HEPH: variants seen among roughly 807,000 people sequenced by gnomAD.
The protein encoded by HEPH is hephaestin.
Under a neutral mutation model 80.8 loss-of-function variants are expected in HEPH, and 69 were observed. That is an observed-to-expected ratio of 0.85 (90% CI 0.70 to 1.04). The LOEUF (loss-of-function observed/expected upper bound fraction) is 1.04. HEPH is among the 50% of genes least tolerant of loss of function. The pLI, the probability that HEPH is intolerant of heterozygous loss-of-function variation, is 0.00. For missense variants in HEPH, 1,115 were observed against 891.3 expected, an observed-to-expected ratio of 1.25 and a Z score of -3.20; for synonymous variants, 431 against 322.8, an observed-to-expected ratio of 1.34 and a Z score of -3.60.
intron 4 of HEPH, among the ~76,000 whole-genome samples, chrX:66,174,167 G>A (rs190384999): frequency 9.1e-6 from 1 of 109,551 alleles, no homozygotes; most frequent in African/African-American, 3.3e-5. Context: ...TGCCCCCCCA[G>A]CCTTTTCCCC....
At position 66,208,140 on chromosome X, in the gene HEPH, T is replaced by C; in HGVS notation, c.2457T>C (p.Gly819=). ...GTCCACTTATCAAAGGTGAAGTTGG[T>C]GATATCCTGACTGTGGTATTCAAGA... ...ILGPLIKGEV[G]DILTVVFKNN... The change falls in exon 15 of 21, where the codon GGT becomes GGC. Residue 819 remains glycine (G), a synonymous_variant. Transcript: ENST00000343002. 1 of 1,197,995 alleles carries C rather than the reference T, an allele frequency of 8.3e-7. No individual in the cohort carries two copies. Among genetic ancestry groups the C allele is most frequent in the South Asian group, 1.8e-5 (1 of 55,845 alleles).
rs186096934 is a variant in HEPH at position 66,232,496 on chromosome X, T to G, written c.2564-22539T>G. On this transcript the variant is annotated intron_variant, in intron 15 of 20. Transcript: ENST00000343002. ...TAATATCTGCTTCAGAATGCTGACA[T>G]AAGCAATTTTTATGTTTTAATATAA... is the stretch of plus-strand genomic sequence containing the variant. Among the ~76,000 whole-genome samples the G allele has an allele frequency of 1.3e-4, 15 of 111,774 alleles. No individual in the cohort carries two copies. In the East Asian group the frequency reaches 4.2e-3, roughly 31 times the overall value.
intron 14 of HEPH, among the ~76,000 whole-genome samples, chrX:66,207,899 T>A (rs979872632): frequency 9.0e-6 from 1 of 110,977 alleles, no homozygotes; most frequent in Non-Finnish European, 1.9e-5. Context: ...TATAATCTTG[T>A]CATTGAAGTA....
intron 15 of HEPH, among the ~76,000 whole-genome samples, chrX:66,237,254 G>A (rs1305865575): frequency 9.1e-6 from 1 of 110,463 alleles, no homozygotes; most frequent in East Asian, 2.8e-4. Context: ...TGTGATGTGG[G>A]CATTTTGTGC....
chrX:66,255,338 A>G (rs2091141486), intron 16 of HEPH, among the ~76,000 whole-genome samples, 197 bp downstream of exon 16: 2 of 110,843 alleles, frequency 1.8e-5, no homozygotes, highest in South Asian at 7.9e-4. Context: ...TGTCATGAAG[A>G]TTTTCTTCCT....
intron 15 of HEPH, among the ~76,000 whole-genome samples, chrX:66,231,863 A>G (rs1402195061): frequency 9.2e-6 from 1 of 108,789 alleles, no homozygotes; most frequent in Non-Finnish European, 1.9e-5. Flanking sequence ...GCCAGTTTTC[A>G]AAGGGAATGC....
intron 4 of HEPH, among the ~76,000 whole-genome samples, chrX:66,177,947 A>ATT (rs34358638): frequency 3.7e-5 from 4 of 108,102 alleles, no homozygotes; most frequent in Middle Eastern, 4.7e-3. Flanking sequence ...AGATTGAAGA[A>ATT]TTTTTTTTTT....
intron 18 of HEPH, 132 bp downstream of exon 18, chrX:66,259,111 G>A: frequency 1.4e-6 from 1 of 692,020 alleles, no homozygotes; most frequent in Non-Finnish European, 2.0e-6. Flanking sequence ...ATGGAGCACT[G>A]AGCTGGAAAT....
Position 66,172,607 on chromosome X carries a change from A to C in HEPH, c.412+8A>C, listed in dbSNP as rs1453970888. ...ACGAGAAGGACTCTGAAGGTAAACC[A>C]TTCCACCGTTTCTTTCCCCCATGCC... On this transcript the variant is annotated splice_region_variant and intron_variant, in intron 3 of 20. Coordinates refer to ENST00000343002, the MANE Select transcript of HEPH (RefSeq NM_001367233.3). 18 of 1,126,320 alleles carry C rather than the reference A, an allele frequency of 1.6e-5. No homozygotes were observed. Among genetic ancestry groups the C allele is most frequent in the Non-Finnish European group, 1.8e-5 (15 of 851,094 alleles). The allele number at this position is 1,126,320 out of a possible 1,213,427, so 92.8% of individuals were successfully genotyped here. A position where few individuals can be genotyped will look rare whatever the true frequency, so the allele number is the denominator to read the frequency against.
At chrX:66,179,350 C>G (rs950770680) in intron 4 of HEPH, among the ~76,000 whole-genome samples, 4 of 111,552 alleles carry the variant, frequency 3.6e-5, no homozygotes, top group Non-Finnish European at 7.5e-5. Context: ...TTACTGTAGC[C>G]TTGTAGTGTA....
chrX:66,219,853 G>A (rs965551709), intron 15 of HEPH, among the ~76,000 whole-genome samples: 1 of 111,263 alleles, frequency 9.0e-6, no homozygotes, highest in Non-Finnish European at 1.9e-5. Flanking sequence ...GTATAATCCA[G>A]TGGGGGCTGT....
chrX:66,187,596 G>A (rs766952877), intron 4 of HEPH, among the ~76,000 whole-genome samples: 3 of 111,765 alleles, frequency 2.7e-5, no homozygotes, highest in African/African-American at 6.5e-5. Context: ...CCTGTGATGC[G>A]AACTGTGTAT....
At chrX:66,247,340 C>G (rs909641180) in intron 15 of HEPH, among the ~76,000 whole-genome samples, 4 of 106,740 alleles carry the variant, frequency 3.7e-5, no homozygotes, top group African/African-American at 1.4e-4. Flanking sequence ...CCCTTATGCT[C>G]TGTTCACTTT....
In HEPH at chrX:66,260,151, G is replaced by C; in HGVS notation, c.3088G>C (p.Glu1030Gln). The part of the protein sequence containing the change: ...DVVDLFPGTF[E>Q]VVEMVASNPG... ...GGTGGATCTGTTCCCAGGGACTTTTGAGGTTGTGGAGATGGTGGCCAGCAA... is the reference window on the plus strand; with the variant it reads ...GGTGGATCTGTTCCCAGGGACTTTTCAGGTTGTGGAGATGGTGGCCAGCAA... Residue 1030 changes from glutamate (E) to glutamine (Q), a missense_variant, in exon 19 of 21, where the codon GAG becomes CAG. This residue lies in a region of HEPH where 716 missense variants were observed against 523.5 expected (regional missense o/e 1.37). Coordinates refer to ENST00000343002, the MANE Select transcript of HEPH (RefSeq NM_001367233.3). 8.3e-7 allele frequency: 1 copy of C among 1,207,473 alleles called. No individual in the cohort carries two copies. The highest frequency in any genetic ancestry group is 1.8e-5 in the South Asian group (1 of 56,845).
chrX:66,180,509 A>C (rs1382855912), intron 4 of HEPH, among the ~76,000 whole-genome samples: 1 of 110,036 alleles, frequency 9.1e-6, no homozygotes, highest in Non-Finnish European at 1.9e-5. Context: ...TTTATAGGTG[A>C]CCTGGTGTTT....
chrX:66,181,033 AT>A (rs1219406164), intron 4 of HEPH, among the ~76,000 whole-genome samples: 1 of 84,621 alleles, frequency 1.2e-5, no homozygotes, highest in African/African-American at 4.6e-5. Flanking sequence ...TGAACTCATC[AT>A]TTTTTATGGC....
chrX:66,199,302 G>A (rs1311268415), intron 11 of HEPH, among the ~76,000 whole-genome samples: 1 of 110,329 alleles, frequency 9.1e-6, no homozygotes, highest in Non-Finnish European at 1.9e-5. Context: ...TGAAGAATAA[G>A]CCAGATGATA....
upstream of HEPH, chrX:66,164,105 A>G (rs748366666): frequency 1.1e-5 from 5 of 463,575 alleles, no homozygotes; most frequent in South Asian, 4.5e-4. Flanking sequence ...GCAAAGACCA[A>G]TTAGCAAGTC....
Position 66,170,585 on chromosome X carries a change from C to A in HEPH, c.15C>A (p.His5Gln), listed in dbSNP as rs1207563168. MESG[H>Q]LLWALLFMQS... ...TAATGTGGGCCATGGAGTCAGGCCA[C>A]CTCCTCTGGGCTCTGCTGTTCATGC... The change falls in exon 2 of 21, where the codon CAC (histidine) becomes CAA (glutamine). Residue 5 changes from histidine to glutamine, a missense_variant. His to Gln is a conservative substitution (Grantham distance 24). Transcript: ENST00000343002. 1 of 1,210,237 alleles carries A rather than the reference C, an allele frequency of 8.3e-7. No individual in the cohort carries two copies. Among genetic ancestry groups the A allele is most frequent in the Non-Finnish European group, 1.1e-6 (1 of 894,817 alleles).
Sources: gnomAD v4.1 joint callset for allele counts (sites outside exome capture counted in the v4.1 genomes callset) on GRCh38, gnomAD v4.1.1 for gene constraint, gnomAD v4.1.1 regional missense constraint, MANE v1.5 for transcripts, NCBI Gene and HGNC (gene_info 2026-07-23, HGNC 2026-07-21) for gene names.